Variants in DYNC2H1 observed in about 807,000 individuals in gnomAD.
DYNC2H1 encodes the protein dynein cytoplasmic 2 heavy chain 1, also known as cytoplasmic dynein 2 heavy chain 1.
Under a neutral mutation model 570.0 loss-of-function variants are expected in DYNC2H1, and 410 were observed. The observed-to-expected ratio is 0.72, with a 90% CI of 0.66 to 0.78. The LOEUF is 0.78. DYNC2H1 is among the 30% of genes least tolerant of loss of function. The pLI is 0.00. For missense variants in DYNC2H1, 4,865 were observed against 5,046.4 expected (o/e 0.96, Z 1.09); for synonymous variants, 1,688 against 1,677.6 (o/e 1.01, Z -0.15).
chr11:103,420,981 G>A (rs943802114), intron 84 of DYNC2H1, among the ~76,000 whole-genome samples: 7 of 152,148 alleles, frequency 4.6e-5, no homozygotes, highest in African/African-American at 1.7e-4. Flanking sequence ...CTCGAGAGAT[G>A]CACCTCACGT....
intron 54 of DYNC2H1, among the ~76,000 whole-genome samples, chr11:103,214,830 G>A (rs932248872): frequency 1.4e-5 from 2 of 143,578 alleles, no homozygotes; most frequent in African/African-American, 2.6e-5. Flanking sequence ...TTCTTTCATT[G>A]GTATGCTGTG....
chr11:103,468,062 A>G (rs1945250730), intron 87 of DYNC2H1, among the ~76,000 whole-genome samples: 1 of 151,768 alleles, frequency 6.6e-6, no homozygotes, highest in Admixed American at 6.6e-5. Context: ...CCGTGTTTTC[A>G]TTTTCAGGAT....
intron 70 of DYNC2H1, among the ~76,000 whole-genome samples, chr11:103,263,121 A>G (rs536522947): frequency 1.3e-5 from 2 of 151,936 alleles, no homozygotes; most frequent in African/African-American, 2.4e-5. Flanking sequence ...AGGGCATTGC[A>G]TATGGTAAAG....
At chr11:103,467,506 G>A (rs911800825) in intron 87 of DYNC2H1, among the ~76,000 whole-genome samples, 1 of 132,878 alleles carries the variant, frequency 7.5e-6, no homozygotes. Context: ...AAATTTGAAG[G>A]CACTGTTTTG....
chr11:103,215,586 A>T, intron 54 of DYNC2H1, 135 bp from the exon 55 acceptor site: 1 of 759,606 alleles, frequency 1.3e-6, no homozygotes, highest in Non-Finnish European at 1.9e-6. Flanking sequence ...ATAAGAAAAA[A>T]CCTAAGTCTA....
Position 103,189,178 on chromosome 11 carries a change from A to T in DYNC2H1, c.7293-494A>T, listed in dbSNP as rs914389050. Among the ~76,000 whole-genome samples the T allele has an allele frequency of 6.6e-6, 1 of 152,000 alleles. No homozygotes were observed. The highest frequency in any genetic ancestry group is 6.6e-5 in the Admixed American group (1 of 15,228). On this transcript the variant is annotated intron_variant, in intron 44 of 88. Transcript: ENST00000375735. This position sits in a 1 kb window ranked among gnomAD's most constrained non-coding sequence, Gnocchi z 4.3. The stretch of plus-strand genomic sequence containing the variant: ...GAATATTACAAAACCTTATTTGTAT[A>T]CTTTTGTGCTAATTGTACTCCATCA...
chr11:103,418,210 A>T (rs1361521735), intron 84 of DYNC2H1, among the ~76,000 whole-genome samples: 6 of 111,944 alleles, frequency 5.4e-5, no homozygotes, highest in Admixed American at 3.7e-4. Flanking sequence ...AGTCATGCAG[A>T]TTGGAAAGAA....
chr11:103,154,920 C>T (rs1208015451), intron 24 of DYNC2H1, 111 bp downstream of exon 24: 5 of 792,354 alleles, frequency 6.3e-6, no homozygotes, highest in Admixed American at 3.7e-5. Flanking sequence ...TAAATTATTC[C>T]GTTTGATGAA....
Position 103,109,750 on chromosome 11 carries a change from G to C in DYNC2H1, c.176G>C (p.Gly59Ala). ...MLLRVQRSDAGISFSNTIEFG... is the reference protein window; with the variant it reads ...MLLRVQRSDAAISFSNTIEFG... ...CTCAGGGTGCAGCGATCCGACGCAG[G>C]AATCTCCTTTTCCAACACGGTACGG... Residue 59 changes from glycine (G) to alanine (A), a missense_variant, in exon 1 of 89, where the codon GGA becomes GCA. Physicochemically the swap from Gly to Ala is moderately conservative, Grantham distance 60. This residue lies in a region of DYNC2H1 where 1,936 missense variants were observed against 1,962.1 expected (regional missense o/e 0.99). Coordinates refer to ENST00000375735, the MANE Select transcript of DYNC2H1 (RefSeq NM_001377.3). The C allele has an allele frequency of 6.2e-7, 1 of 1,613,508 alleles. No individual in the cohort carries two copies. The highest frequency in any genetic ancestry group is 8.5e-7 in the Non-Finnish European group (1 of 1,179,722).
chr11:103,125,125 G>A lies in DYNC2H1; in HGVS notation c.1687G>A (p.Glu563Lys), dbSNP rs1442088241. 1 of 1,613,058 alleles carries A rather than the reference G, an allele frequency of 6.2e-7. No individual in the cohort carries two copies. Among genetic ancestry groups the A allele is most frequent in the Non-Finnish European group, 8.5e-7 (1 of 1,179,542 alleles). Reference protein sequence around the residue: ...LCIEASSRIMELDSNDGLLKV... With the variant: ...LCIEASSRIMKLDSNDGLLKV... The stretch of plus-strand genomic sequence containing the variant: ...TATTGAGGCTAGTAGTCGAATTATG[G>A]AATTGGATTCTAATGATGGATTACT... The change falls in exon 12 of 89, where the codon GAA becomes AAA. Residue 563 changes from glutamate to lysine, a missense_variant. Physicochemically the swap from Glu to Lys is moderately conservative, Grantham distance 56. This residue lies in a region of DYNC2H1 where 1,936 missense variants were observed against 1,962.1 expected (regional missense o/e 0.99). Coordinates refer to ENST00000375735, the MANE Select transcript of DYNC2H1 (RefSeq NM_001377.3).
chr11:103,311,753 A>C (rs1214847708), intron 78 of DYNC2H1, 125 bp from the exon 79 acceptor site: 27 of 856,492 alleles, frequency 3.2e-5, no homozygotes, highest in Non-Finnish European at 4.5e-5. Flanking sequence ...GTAACATAAT[A>C]ATTTAACTCA....
Position 103,462,305 on chromosome 11 carries a change from A to AT in DYNC2H1, c.12648+5958dup, listed in dbSNP as rs112665738. Among the ~76,000 whole-genome samples the AT allele has an allele frequency of 4.9e-3, 739 of 151,442 alleles. 9 individuals are homozygous for AT. Among genetic ancestry groups the AT allele is most frequent in the African/African-American group, 0.015 (613 of 41,282 alleles). On this transcript the variant is annotated intron_variant, in intron 87 of 88. Transcript: ENST00000375735. Reference sequence around the variant, plus strand: ...TAATTCCAAAGATCTAATTACATTGATTTTTTTTTGTGTGGAGGGGCAACA... The same window carrying AT: ...TAATTCCAAAGATCTAATTACATTGATTTTTTTTTTGTGTGGAGGGGCAACA...
chr11:103,118,964 C>A (rs547767972), intron 6 of DYNC2H1, among the ~76,000 whole-genome samples: 1 of 152,070 alleles, frequency 6.6e-6, no homozygotes, highest in South Asian at 2.1e-4. Flanking sequence ...TGAAGAGTTA[C>A]AAAATGGTGA....
Position 103,439,187 on chromosome 11 carries a change from A to G in DYNC2H1, c.12456+3155A>G, listed in dbSNP as rs952997336. Reference sequence around the variant, plus strand: ...CAGTATTATGGAAGCAAATAGCACTATTTAACCTAGAAGGGGTCAGAGAAG... The same window carrying G: ...CAGTATTATGGAAGCAAATAGCACTGTTTAACCTAGAAGGGGTCAGAGAAG... On this transcript the variant is annotated intron_variant, in intron 85 of 88. Coordinates refer to ENST00000375735, the MANE Select transcript of DYNC2H1 (RefSeq NM_001377.3). The surrounding 1 kb of genome is among the most constrained non-coding windows in gnomAD (Gnocchi z 4.1). Among the ~76,000 whole-genome samples the G allele has an allele frequency of 2.6e-5, 4 of 152,160 alleles. No individual in the cohort carries two copies. Among genetic ancestry groups the G allele is most frequent in the South Asian group, 2.1e-4 (1 of 4,828 alleles).
intron 18 of DYNC2H1, among the ~76,000 whole-genome samples, chr11:103,144,120 C>A (rs1860112729): frequency 2.0e-5 from 3 of 152,256 alleles, no homozygotes; most frequent in Admixed American, 2.0e-4. Flanking sequence ...TGCAATAAGA[C>A]AAATATATTT....
chr11:103,244,030 A>G lies in DYNC2H1; in HGVS notation c.9918+239A>G, dbSNP rs764333926. Among the ~76,000 whole-genome samples the G allele has an allele frequency of 9.9e-5, 15 of 152,150 alleles. No individual in the cohort carries two copies. The highest frequency in any genetic ancestry group is 1.9e-4 in the Non-Finnish European group (13 of 67,994). Reference sequence around the variant, plus strand: ...TTTAATAGTGAGTTCCTTCCCTTATAAAGATGACAGTCTAGTAGGTTAGAG... The same window carrying G: ...TTTAATAGTGAGTTCCTTCCCTTATGAAGATGACAGTCTAGTAGGTTAGAG... On this transcript the variant is annotated intron_variant, in intron 64 of 88. Coordinates refer to ENST00000375735, the MANE Select transcript of DYNC2H1 (RefSeq NM_001377.3). This position sits in a 1 kb window ranked among gnomAD's most constrained non-coding sequence, Gnocchi z 4.3.
At chr11:103,115,393 G>A in intron 4 of DYNC2H1, 98 bp downstream of exon 4, 1 of 703,464 alleles carries the variant, frequency 1.4e-6, no homozygotes, top group Non-Finnish European at 2.3e-6. Context: ...TGTACTTGAT[G>A]ATTGTGAACA....
rs1162460938 is a variant in DYNC2H1, at chr11:103,395,682, T to C, written c.12157-3981T>C. Among the ~76,000 whole-genome samples the C allele has an allele frequency of 6.6e-6, 1 of 152,172 alleles. No individual in the cohort carries two copies. Among genetic ancestry groups the C allele is most frequent in the Non-Finnish European group, 1.5e-5 (1 of 68,028 alleles). On this transcript the variant is annotated intron_variant, in intron 83 of 88. Transcript: ENST00000375735. This position sits in a 1 kb window ranked among gnomAD's most constrained non-coding sequence, Gnocchi z 4.3. ...TTCTTACCACATTTCATTGTCTCTG[T>C]TTGGTCATGCTGCCATCCCTGAACC...
chr11:103,450,914 A>G (rs975470145), intron 85 of DYNC2H1, among the ~76,000 whole-genome samples: 4 of 152,202 alleles, frequency 2.6e-5, no homozygotes, highest in East Asian at 1.9e-4. Context: ...TAATGTTTTT[A>G]TATAATTAGG....
Sources: allele counts gnomAD v4.1 joint callset (sites outside exome capture counted in the v4.1 genomes callset), GRCh38; gene constraint gnomAD v4.1.1; regional missense constraint gnomAD v4.1.1; non-coding constraint Gnocchi (gnomAD v3.1); transcripts MANE v1.5; gene names NCBI Gene and HGNC (gene_info 2026-07-23, HGNC 2026-07-21).